MIPOL1: variants seen among roughly 807,000 people sequenced by gnomAD.
The protein encoded by MIPOL1 is mirror-image polydactyly gene 1 protein.
MIPOL1 carries 57 observed loss-of-function variants against 60.9 expected under a neutral mutation model. That is an observed-to-expected ratio of 0.94 (90% CI 0.76 to 1.17). The LOEUF (loss-of-function observed/expected upper bound fraction) is 1.17. Ranked by LOEUF, MIPOL1 falls within the 50% of genes most tolerant of loss-of-function variation. The pLI, the probability that MIPOL1 is intolerant of heterozygous loss-of-function variation, is 0.00. For synonymous variants in MIPOL1, 179 were observed against 168.8 expected (o/e 1.06, Z -0.47); for missense variants, 551 against 511.6 (o/e 1.08, Z -0.74).
chr14:37,295,205 G>T (rs1040489197), intron 7 of MIPOL1, among the ~76,000 whole-genome samples: 1 of 152,028 alleles, frequency 6.6e-6, no homozygotes, highest in African/African-American at 2.4e-5. Context: ...AGCCAAACTA[G>T]GCTTCATAAG....
chr14:37,254,025 C>T (rs1053667974), intron 3 of MIPOL1, among the ~76,000 whole-genome samples: 1 of 151,606 alleles, frequency 6.6e-6, no homozygotes, highest in African/African-American at 2.4e-5. Context: ...CTCCATAGGA[C>T]CTAGCTTAAT....
chr14:37,290,538 TTGTC>T (rs1180800186), intron 7 of MIPOL1, among the ~76,000 whole-genome samples: 5 of 152,262 alleles, frequency 3.3e-5, no homozygotes, highest in African/African-American at 9.6e-5. Flanking sequence ...GAGTGTGTGT[TTGTC>T]TGTCTTTTTT....
chr14:37,215,751 C>T (rs1967546832), intron 1 of MIPOL1, among the ~76,000 whole-genome samples: 1 of 152,074 alleles, frequency 6.6e-6, no homozygotes, highest in Non-Finnish European at 1.5e-5. Flanking sequence ...ACACACTTCA[C>T]CTATGAAGAC....
intron 6 of MIPOL1, among the ~76,000 whole-genome samples, chr14:37,273,894 C>T (rs2083463984): frequency 6.6e-6 from 1 of 151,484 alleles, no homozygotes; most frequent in South Asian, 2.1e-4. Context: ...TAAGTTGTGT[C>T]TCAAATTAAT....
rs546152470 is a variant in MIPOL1 at position 37,281,490 on chromosome 14, C to T, written c.494-3828C>T. On this transcript the variant is annotated intron_variant, in intron 6 of 12. Transcript: ENST00000684589. ...CACGATCTCAGCTTACTGCAACCTC[C>T]GCCTCCCAGGTTCAAGTGATTTTCC... Among the ~76,000 whole-genome samples the T allele has an allele frequency of 1.5e-4, 23 of 152,254 alleles. 1 individual carries two copies. The highest frequency in any genetic ancestry group is 4.8e-4 in the African/African-American group (20 of 41,538).
chr14:37,358,765 T>G (rs746845002), intron 9 of MIPOL1, among the ~76,000 whole-genome samples: 16 of 152,202 alleles, frequency 1.1e-4, no homozygotes, highest in Non-Finnish European at 2.1e-4. Context: ...TACAAAAATT[T>G]TCTCCCATTC....
chr14:37,317,982 T>C (rs2088111430), intron 9 of MIPOL1, among the ~76,000 whole-genome samples: 1 of 152,194 alleles, frequency 6.6e-6, no homozygotes, highest in Non-Finnish European at 1.5e-5. Flanking sequence ...TCTGAGAAGA[T>C]AATATAATGA....
At chr14:37,306,606 A>G (rs1341141076) in intron 7 of MIPOL1, among the ~76,000 whole-genome samples, 1 of 151,870 alleles carries the variant, frequency 6.6e-6, no homozygotes, top group East Asian at 1.9e-4. Context: ...CTCACCACAT[A>G]TAACTTCCTT....
intron 11 of MIPOL1, among the ~76,000 whole-genome samples, chr14:37,427,248 A>G (rs1011842329): frequency 6.6e-6 from 1 of 152,214 alleles, no homozygotes; most frequent in South Asian, 2.1e-4. Flanking sequence ...AAAACAAATG[A>G]AATTCTAATA....
At chr14:37,482,524 G>A (rs1454043487) in intron 11 of MIPOL1, among the ~76,000 whole-genome samples, 1 of 152,102 alleles carries the variant, frequency 6.6e-6, no homozygotes, top group Non-Finnish European at 1.5e-5. Context: ...TGCAATCATG[G>A]CAAAAGGTAA....
chr14:37,524,154 C>A (rs1422113070), intron 12 of MIPOL1, among the ~76,000 whole-genome samples: 1 of 152,080 alleles, frequency 6.6e-6, no homozygotes, highest in Non-Finnish European at 1.5e-5. Flanking sequence ...GGATTTCAAT[C>A]CGGGATATAT....
At chr14:37,284,510 A>C (rs2084384455) in intron 6 of MIPOL1, among the ~76,000 whole-genome samples, 1 of 151,690 alleles carries the variant, frequency 6.6e-6, no homozygotes, top group East Asian at 2.0e-4. Context: ...TGCCTGGCTA[A>C]TTTTTTGTAT....
chr14:37,471,492 G>T (rs938309427), intron 11 of MIPOL1, among the ~76,000 whole-genome samples: 4 of 151,960 alleles, frequency 2.6e-5, no homozygotes, highest in Admixed American at 2.0e-4. Flanking sequence ...TAGAGATCTG[G>T]TGTCTTATTA....
At chr14:37,415,186 T>C (rs1405411789) in intron 10 of MIPOL1, among the ~76,000 whole-genome samples, 2 of 152,200 alleles carry the variant, frequency 1.3e-5, no homozygotes, top group Non-Finnish European at 2.9e-5. Flanking sequence ...CTAAATGGAC[T>C]AACATCCAAA....
In MIPOL1 at chr14:37,533,170, A is replaced by C. The variant is rs80011808; in HGVS notation, c.1263-13735A>C. On this transcript the variant is annotated intron_variant, in intron 12 of 12. Coordinates refer to ENST00000684589, the MANE Select transcript of MIPOL1 (RefSeq NM_001388067.1). ...CTAAATTTGATGTTTTAGAAAAATG[A>C]ATCACTCTTATTTATGTAAAAAGAT... Among the ~76,000 whole-genome samples, 763 of 152,300 alleles carry C rather than the reference A, an allele frequency of 5.0e-3. 3 individuals carry two copies. Among genetic ancestry groups the C allele is most frequent in the Non-Finnish European group, 7.5e-3 (508 of 68,000 alleles).
In MIPOL1 at chr14:37,270,608, AC is replaced by A. The variant is rs1366655101; in HGVS notation, c.493+84del. 4.3e-5 allele frequency: 25 copies of A among 584,448 alleles called. No individual in the cohort carries two copies. The African/African-American group carries it at 4.8e-4, about 11-fold the overall frequency. The allele number at this position is 584,448 out of a possible 1,614,324, so 36.2% of individuals were successfully genotyped here. On this transcript the variant is annotated intron_variant, in intron 6 of 12. Transcript: ENST00000684589. ...GATGTATCTTGGTGAATACTAGCAT[AC>A]TGGCTTATTTGCCAAAGGAGGGGAA... is the stretch of plus-strand genomic sequence containing the variant.
At chr14:37,273,251 G>T (rs148317545) in intron 6 of MIPOL1, among the ~76,000 whole-genome samples, 1 of 150,538 alleles carries the variant, frequency 6.6e-6, no homozygotes, top group Non-Finnish European at 1.5e-5. Context: ...AAAATAAGAG[G>T]CAAATGTTGG....
Position 37,500,086 on chromosome 14 carries a change from C to A in MIPOL1, c.1210C>A (p.Gln404Lys). The A allele has an allele frequency of 1.9e-6, 3 of 1,613,778 alleles. No homozygotes were observed. The highest frequency in any genetic ancestry group is 2.5e-6 in the Non-Finnish European group (3 of 1,179,842). Reference protein sequence around the residue: ...ALTERANMELQLQHAREASQV... With the variant: ...ALTERANMELKLQHAREASQV... The stretch of plus-strand genomic sequence containing the variant: ...GACAGAGCGAGCAAATATGGAATTA[C>A]AACTTCAACATGCCAGAGAGGCCTC... The change falls in exon 12 of 13, where the codon CAA becomes AAA. Residue 404 changes from glutamine (Q) to lysine (K), a missense_variant. Gln to Lys is a moderately conservative substitution (Grantham distance 53, BLOSUM62 1). Transcript: ENST00000684589.
At chr14:37,337,690 T>A (rs933828423) in intron 9 of MIPOL1, among the ~76,000 whole-genome samples, 1 of 151,890 alleles carries the variant, frequency 6.6e-6, no homozygotes, top group African/African-American at 2.4e-5. Context: ...TTTAGAGAAA[T>A]GTCTATTGTG....
Sources: gnomAD v4.1 joint callset for allele counts (sites outside exome capture counted in the v4.1 genomes callset) on GRCh38, gnomAD v4.1.1 for gene constraint, MANE v1.5 for transcripts, NCBI Gene and HGNC (gene_info 2026-07-23, HGNC 2026-07-21) for gene names.